Variants in DNM3 observed in about 807,000 individuals in gnomAD.
DNM3 encodes dynamin 3.
DNM3 carries 47 observed loss-of-function variants against 101.6 expected under a neutral mutation model. The observed-to-expected ratio is 0.46, with a 90% CI of 0.37 to 0.59. DNM3 has a LOEUF of 0.59. DNM3 is among the 20% of genes least tolerant of loss of function. DNM3 has a pLI of 0.00. For synonymous variants in DNM3, 385 were observed against 387.9 expected (o/e 0.99, Z 0.09); for missense variants, 849 against 1,085.7 (o/e 0.78, Z 3.06).
At chr1:171,893,112 C>T (rs2037445143) in intron 1 of DNM3, among the ~76,000 whole-genome samples, 1 of 152,186 alleles carries the variant, frequency 6.6e-6, no homozygotes, top group Middle Eastern at 3.2e-3. Flanking sequence ...ACTACCCTCT[C>T]CCCTTACCCC....
intron 17 of DNM3, among the ~76,000 whole-genome samples, chr1:172,360,249 T>A (rs1181630161): frequency 6.6e-6 from 1 of 151,996 alleles, no homozygotes; most frequent in African/African-American, 2.4e-5. Flanking sequence ...AATTTGGAAT[T>A]ATGAACATTC....
At chr1:171,892,861 G>T (rs982152846) in intron 1 of DNM3, among the ~76,000 whole-genome samples, 1 of 149,870 alleles carries the variant, frequency 6.7e-6, no homozygotes, top group Non-Finnish European at 1.5e-5. Context: ...TCATGATAGG[G>T]TTTACACTGT....
Position 171,962,796 on chromosome 1 carries a change from G to A in DNM3, c.236-24860G>A, listed in dbSNP as rs186634502. On this transcript the variant is annotated intron_variant, in intron 2 of 20. Coordinates refer to ENST00000627582, the MANE Select transcript of DNM3 (RefSeq NM_015569.5). ...AATTTTGGGGAGACACAAACATTCA[G>A]TCTACAACAGTTACATAAAACTGTG... Among the ~76,000 whole-genome samples the A allele has an allele frequency of 1.1e-3, 175 of 152,236 alleles. 1 individual carries two copies. The highest frequency in any genetic ancestry group is 3.7e-3 in the African/African-American group (155 of 41,550).
downstream of DNM3, among the ~76,000 whole-genome samples, chr1:172,413,642 A>T (rs2071326828): frequency 1.3e-5 from 2 of 152,216 alleles, no homozygotes; most frequent in Admixed American, 1.3e-4. Context: ...AGTTTTGATG[A>T]CAAGTCCCTT....
At chr1:172,046,109 T>G (rs1171166261) in intron 9 of DNM3, among the ~76,000 whole-genome samples, 2 of 152,260 alleles carry the variant, frequency 1.3e-5, no homozygotes, top group East Asian at 3.9e-4. Flanking sequence ...TGCACACATA[T>G]GTTTATTGCA....
At chr1:171,857,898 A>G (rs951903424) in intron 1 of DNM3, among the ~76,000 whole-genome samples, 3 of 152,056 alleles carry the variant, frequency 2.0e-5, no homozygotes, top group African/African-American at 4.8e-5. Context: ...CCTTATAAAA[A>G]GAGGCACTGG....
At chr1:172,036,274 C>CGA (rs1213538973) in intron 6 of DNM3, among the ~76,000 whole-genome samples, 1 of 149,044 alleles carries the variant, frequency 6.7e-6, no homozygotes, top group Non-Finnish European at 1.5e-5. Context: ...TTTGTTCTTG[C>CGA]GATAGTTTAC....
At chr1:172,023,033 A>G (rs1292581902) in intron 4 of DNM3, among the ~76,000 whole-genome samples, 1 of 152,114 alleles carries the variant, frequency 6.6e-6, no homozygotes, top group Non-Finnish European at 1.5e-5. Context: ...TTGTTTGCAT[A>G]GTTTTCTGTA....
At chr1:172,269,002 C>G (rs1314669335) in intron 15 of DNM3, among the ~76,000 whole-genome samples, 1 of 152,178 alleles carries the variant, frequency 6.6e-6, no homozygotes, top group Non-Finnish European at 1.5e-5. Context: ...TTGCGTATTT[C>G]AAACAAATAG....
chr1:172,262,164 A>C (rs543207706), intron 15 of DNM3, among the ~76,000 whole-genome samples: 2 of 152,116 alleles, frequency 1.3e-5, no homozygotes, highest in East Asian at 3.9e-4. Flanking sequence ...GGGGCTGGGA[A>C]CATGGGCTTC....
At chr1:172,359,727 C>CAATA (rs568321016) in intron 17 of DNM3, among the ~76,000 whole-genome samples, 123 of 151,912 alleles carry the variant, frequency 8.1e-4, no homozygotes, top group African/African-American at 2.9e-3. Context: ...TTTGTATAAG[C>CAATA]AATATCTGCA....
intron 10 of DNM3, among the ~76,000 whole-genome samples, chr1:172,064,788 A>G (rs1175086545): frequency 6.6e-6 from 1 of 152,180 alleles, no homozygotes. Flanking sequence ...TGTTTCATTA[A>G]TGCCATTCAG....
intron 14 of DNM3, among the ~76,000 whole-genome samples, chr1:172,201,649 C>A (rs751537882): frequency 2.0e-5 from 3 of 152,166 alleles, no homozygotes; most frequent in Non-Finnish European, 2.9e-5. Context: ...GTGAATAAGG[C>A]ACTTAGGGTT....
At position 171,963,180 on chromosome 1, in the gene DNM3, C is replaced by A. The variant is rs534055778; in HGVS notation, c.236-24476C>A. Among the ~76,000 whole-genome samples, 5 of 152,122 alleles carry A rather than the reference C, an allele frequency of 3.3e-5. No homozygotes were observed. The South Asian group carries it at 1.0e-3, about 32-fold the overall frequency. On this transcript the variant is annotated intron_variant, in intron 2 of 20. Transcript: ENST00000627582. ...TTTATAGTAAATAAACTATGGTATA[C>A]CCGGACAATGGAATATTGTTGAGTG...
At chr1:171,847,879 ACTCTCTCT>A (rs141950487) in intron 1 of DNM3, among the ~76,000 whole-genome samples, 5,264 of 140,324 alleles carry the variant, frequency 0.038, 265 homozygotes, top group African/African-American at 0.11. Context: ...CATATTAATT[ACTCTCTCT>A]CTCTCTCTCT....
rs190215917 is a variant in DNM3, at chr1:172,026,568, T to A, written c.590-5834T>A. ...AGGGTAGCCAGAGAGAAAGATCGGG[T>A]TACACAGAAAAGAGGCCCATCAGAC... On this transcript the variant is annotated intron_variant, in intron 4 of 20. Coordinates refer to ENST00000627582, the MANE Select transcript of DNM3 (RefSeq NM_015569.5). Among the ~76,000 whole-genome samples, 735 of 151,848 alleles carry A rather than the reference T, an allele frequency of 4.8e-3. 7 individuals carry two copies. The highest frequency in any genetic ancestry group is 0.017 in the Middle Eastern group (5 of 290).
chr1:171,980,802 A>G (rs1362508771), intron 2 of DNM3, among the ~76,000 whole-genome samples: 1 of 136,146 alleles, frequency 7.3e-6, no homozygotes, highest in Non-Finnish European at 1.5e-5. Context: ...ACAGAGTCTC[A>G]CTCTGTCACT....
chr1:172,305,774 AG>A (rs1243195684), intron 15 of DNM3, among the ~76,000 whole-genome samples: 1 of 152,260 alleles, frequency 6.6e-6, no homozygotes, highest in African/African-American at 2.4e-5. Context: ...AGAACCGAAG[AG>A]AAAAACCACA....
intron 10 of DNM3, among the ~76,000 whole-genome samples, chr1:172,049,947 T>A (rs1051853176): frequency 2.0e-5 from 3 of 152,080 alleles, no homozygotes; most frequent in Non-Finnish European, 2.9e-5. Flanking sequence ...TGGAACTAGC[T>A]TAGGACCCAG....
Sources: gnomAD v4.1 joint callset for allele counts (sites outside exome capture counted in the v4.1 genomes callset) on GRCh38, gnomAD v4.1.1 for gene constraint, MANE v1.5 for transcripts, NCBI Gene and HGNC (gene_info 2026-07-23, HGNC 2026-07-21) for gene names.